The following PSD3 variants were observed in gnomAD, a reference collection of about 807,000 sequenced individuals.
PSD3 encodes the protein pleckstrin and Sec7 domain containing 3.
In PSD3, 49 loss-of-function variants were observed where a neutral mutation model predicts 105.5. That is an observed-to-expected ratio of 0.46 (90% CI 0.37 to 0.59). The LOEUF (loss-of-function observed/expected upper bound fraction) is 0.59. Among genes scored for constraint, PSD3 ranks in the 20% least tolerant of loss-of-function variants. The pLI is 0.00. For missense variants in PSD3, 1,561 were observed against 1,263.8 expected (o/e 1.24, Z -3.57); for synonymous variants, 557 against 457.8 (o/e 1.22, Z -2.77).
At chr8:18,916,519 C>T (rs73202153) in intron 2 of PSD3, among the ~76,000 whole-genome samples, 32,474 of 151,440 alleles carry the variant, frequency 0.21, 4,342 homozygotes, top group Non-Finnish European at 0.29. Context: ...TTTACGTGCA[C>T]AATCTTAAAA....
chr8:18,813,146 T>A (rs1811846631), intron 4 of PSD3, among the ~76,000 whole-genome samples: 1 of 152,116 alleles, frequency 6.6e-6, no homozygotes, highest in Non-Finnish European at 1.5e-5. Context: ...GATGAGTGGC[T>A]TGAGATGTGC....
intron 1 of PSD3, among the ~76,000 whole-genome samples, chr8:19,028,299 C>CCCT (rs1563517980): frequency 1.9e-3 from 179 of 95,968 alleles, no homozygotes; most frequent in East Asian, 3.8e-3. Flanking sequence ...CCGGCCCACC[C>CCCT]TTTTTTTTTT....
At chr8:18,659,127 G>T (rs569623480) in intron 9 of PSD3, among the ~76,000 whole-genome samples, 4 of 152,276 alleles carry the variant, frequency 2.6e-5, no homozygotes, top group African/African-American at 9.6e-5. Flanking sequence ...GTTGTGGGGA[G>T]GTGGGTATTA....
At chr8:18,979,205 T>C (rs1825122952) in intron 1 of PSD3, among the ~76,000 whole-genome samples, 3 of 152,036 alleles carry the variant, frequency 2.0e-5, no homozygotes, top group South Asian at 2.1e-4. Context: ...CTTTGTTGTA[T>C]TTTTCATTGC....
At chr8:18,753,632 G>T (rs1805784765) in intron 9 of PSD3, among the ~76,000 whole-genome samples, 1 of 152,066 alleles carries the variant, frequency 6.6e-6, no homozygotes. Flanking sequence ...CATTGACAGG[G>T]AACAGAGTTC....
chr8:18,842,944 A>C (rs778029121), intron 4 of PSD3, among the ~76,000 whole-genome samples: 85 of 152,202 alleles, frequency 5.6e-4, no homozygotes, highest in Non-Finnish European at 7.9e-4. Context: ...TTCCTTGAGC[A>C]AAAACCCATA....
intron 1 of PSD3, among the ~76,000 whole-genome samples, chr8:19,078,487 C>G (rs1829530776): frequency 1.3e-5 from 2 of 152,118 alleles, no homozygotes; most frequent in South Asian, 4.1e-4. Context: ...TTTCCACTCT[C>G]AGCTGACAAC....
At chr8:18,820,663 C>A (rs1183960453) in intron 4 of PSD3, among the ~76,000 whole-genome samples, 2 of 151,794 alleles carry the variant, frequency 1.3e-5, no homozygotes, top group Non-Finnish European at 2.9e-5. Flanking sequence ...TTTTTTAAAT[C>A]TATTTTCCAT....
chr8:18,996,364 C>G (rs1174161015), intron 1 of PSD3, among the ~76,000 whole-genome samples: 1 of 151,864 alleles, frequency 6.6e-6, no homozygotes, highest in Admixed American at 6.6e-5. Context: ...ATTAACAGAA[C>G]TAGGGACTCC....
chr8:18,605,517 C>G (rs552214689), intron 11 of PSD3, among the ~76,000 whole-genome samples: 1 of 152,164 alleles, frequency 6.6e-6, no homozygotes, highest in Non-Finnish European at 1.5e-5. Context: ...TCAGATGACA[C>G]TTCAGACTTT....
At chr8:18,721,584 G>A (rs1027485010) in intron 9 of PSD3, among the ~76,000 whole-genome samples, 1 of 152,180 alleles carries the variant, frequency 6.6e-6, no homozygotes, top group Non-Finnish European at 1.5e-5. Context: ...TAGGTGACAT[G>A]CTCAAGGCCA....
intron 2 of PSD3, among the ~76,000 whole-genome samples, chr8:18,923,225 T>C (rs1247998707): frequency 1.3e-5 from 2 of 152,070 alleles, no homozygotes; most frequent in Non-Finnish European, 2.9e-5. Flanking sequence ...TTTAAGAAAG[T>C]TTAAAAATTT....
chr8:18,958,874 C>T (rs894964902), intron 1 of PSD3, among the ~76,000 whole-genome samples: 1 of 151,554 alleles, frequency 6.6e-6, no homozygotes, highest in African/African-American at 2.4e-5. Flanking sequence ...AAATTTTGTT[C>T]CAATAAGTCC....
chr8:18,585,883 G>C (rs948290845), intron 12 of PSD3, among the ~76,000 whole-genome samples: 4 of 152,098 alleles, frequency 2.6e-5, no homozygotes, highest in African/African-American at 9.7e-5. Context: ...GACAGACTTG[G>C]AGTTTGACAA....
intron 9 of PSD3, among the ~76,000 whole-genome samples, chr8:18,719,328 TG>T (rs1802801057): frequency 6.6e-6 from 1 of 152,224 alleles, no homozygotes; most frequent in South Asian, 2.1e-4. Flanking sequence ...ACTGAGTTTA[TG>T]GCTTGTACAA....
chr8:18,822,364 C>T (rs990525329), intron 4 of PSD3, among the ~76,000 whole-genome samples: 1 of 152,156 alleles, frequency 6.6e-6, no homozygotes, highest in African/African-American at 2.4e-5. Flanking sequence ...GACAGCAGAA[C>T]CAACCTGTGT....
chr8:18,559,342 T>C (rs1199145414), intron 14 of PSD3, among the ~76,000 whole-genome samples: 1 of 152,230 alleles, frequency 6.6e-6, no homozygotes, highest in Non-Finnish European at 1.5e-5. Flanking sequence ...CACTGTGATT[T>C]GAATTTATAT....
chr8:18,570,763 C>G (rs1023247692), intron 14 of PSD3, among the ~76,000 whole-genome samples: 6 of 151,906 alleles, frequency 3.9e-5, no homozygotes, highest in Middle Eastern at 3.2e-3. Context: ...CAAGTAGTAT[C>G]TTCTTCTAAC....
At chr8:18,820,564 T>TA (rs1586126000) in intron 4 of PSD3, among the ~76,000 whole-genome samples, 2 of 152,206 alleles carry the variant, frequency 1.3e-5, no homozygotes, top group East Asian at 3.8e-4. Flanking sequence ...ATGTAAATGC[T>TA]ATGTTAATAG....
Sources: gnomAD v4.1 joint callset for allele counts (sites outside exome capture counted in the v4.1 genomes callset) on GRCh38, gnomAD v4.1.1 for gene constraint, MANE v1.5 for transcripts, NCBI Gene and HGNC (gene_info 2026-07-23, HGNC 2026-07-21) for gene names.